The following MIPEP variants were observed in gnomAD, a reference collection of about 807,000 sequenced individuals.
MIPEP encodes the protein mitochondrial intermediate peptidase.
A neutral mutation model predicts 90.3 loss-of-function variants in MIPEP; 79 were observed. The observed-to-expected ratio is 0.87, with a 90% CI of 0.73 to 1.05. The LOEUF is 1.05. Ranked by LOEUF, MIPEP falls within the 50% of genes least tolerant of loss-of-function variation. The pLI is 0.00. For missense variants in MIPEP, 940 were observed against 905.6 expected (o/e 1.04, Z -0.49); for synonymous variants, 334 against 315.8 (o/e 1.06, Z -0.61).
chr13:23,875,522 T>C (rs1254598692), intron 4 of MIPEP, among the ~76,000 whole-genome samples: 1 of 149,924 alleles, frequency 6.7e-6, no homozygotes, highest in South Asian at 2.1e-4. Flanking sequence ...CAATTTCAAG[T>C]GTAACACCTT....
chr13:23,814,747 C>A (rs1953214836), intron 14 of MIPEP, among the ~76,000 whole-genome samples: 1 of 152,204 alleles, frequency 6.6e-6, no homozygotes, highest in South Asian at 2.1e-4. Context: ...GGCTGCTTCA[C>A]AATATCCAAT....
At chr13:23,865,672 AT>A (rs1555241389) in intron 7 of MIPEP, among the ~76,000 whole-genome samples, 21 of 68,916 alleles carry the variant, frequency 3.0e-4, no homozygotes, top group African/African-American at 3.6e-4. Context: ...GCCTCAATTA[AT>A]TTTTTTTTTT....
chr13:23,814,490 T>C (rs1204462617), intron 14 of MIPEP, among the ~76,000 whole-genome samples: 5 of 152,000 alleles, frequency 3.3e-5, no homozygotes, highest in Non-Finnish European at 7.4e-5. Flanking sequence ...CTCGATCTCC[T>C]GACCTTGTGA....
intron 17 of MIPEP, chr13:23,756,980 G>T: frequency 3.6e-6 from 1 of 277,492 alleles, no homozygotes; most frequent in Non-Finnish European, 6.8e-6. Flanking sequence ...ACAGACGAGG[G>T]TTGATGGGGG....
intron 1 of MIPEP, 107 bp from the exon 2 acceptor site, chr13:23,886,613 G>A: frequency 1.1e-6 from 1 of 873,340 alleles, no homozygotes; most frequent in Non-Finnish European, 1.7e-6. Context: ...ACTTTCATTG[G>A]TGTATCATGT....
intron 16 of MIPEP, among the ~76,000 whole-genome samples, chr13:23,785,723 C>T (rs1183424727): frequency 1.3e-5 from 2 of 151,266 alleles, no homozygotes; most frequent in African/African-American, 4.9e-5. Flanking sequence ...AGTATGCTAG[C>T]AATAGGCAGG....
chr13:23,760,629 GCTGACAC>G, intron 16 of MIPEP: 1 of 512,750 alleles, frequency 2.0e-6, no homozygotes, highest in South Asian at 1.5e-5. Flanking sequence ...AGCCAGATCT[GCTGACAC>G]CTTGGTCTGG....
At chr13:23,736,869 T>C (rs2138482283) in intron 18 of MIPEP, among the ~76,000 whole-genome samples, 1 of 152,238 alleles carries the variant, frequency 6.6e-6, no homozygotes, top group African/African-American at 2.4e-5. Flanking sequence ...TCTTCACAAG[T>C]AAGAAAACAG....
intron 16 of MIPEP, among the ~76,000 whole-genome samples, chr13:23,767,452 T>TA (rs1364923885): frequency 3.2e-5 from 4 of 124,022 alleles, no homozygotes; most frequent in Admixed American, 3.0e-4. Context: ...AGTATCTTTG[T>TA]AAATTTTTTT....
chr13:23,882,138 C>G (rs919265863), intron 2 of MIPEP, among the ~76,000 whole-genome samples: 2 of 149,478 alleles, frequency 1.3e-5, no homozygotes, highest in African/African-American at 4.9e-5. Flanking sequence ...GGCGCAATCT[C>G]AGGTCACTGC....
intron 18 of MIPEP, 87 bp downstream of exon 18, chr13:23,756,458 A>T: frequency 7.0e-7 from 1 of 1,433,918 alleles, no homozygotes; most frequent in East Asian, 2.3e-5. Context: ...CACCTGGCCT[A>T]AAACATTTTC....
chr13:23,821,462 T>C (rs1424410410), intron 14 of MIPEP, among the ~76,000 whole-genome samples: 1 of 152,122 alleles, frequency 6.6e-6, no homozygotes, highest in Non-Finnish European at 1.5e-5. Flanking sequence ...CTCCTGTGCT[T>C]ACGAAATGGG....
intron 14 of MIPEP, among the ~76,000 whole-genome samples, chr13:23,827,968 CCAGCTCTG>C (rs1443898632): frequency 6.6e-6 from 1 of 152,066 alleles, no homozygotes; most frequent in East Asian, 1.9e-4. Context: ...CAAACTAAAG[CCAGCTCTG>C]CATTAAAAAA....
At position 23,838,144 on chromosome 13, in the gene MIPEP, AT is replaced by A. The variant is rs898826584; in HGVS notation, c.1339-389del. 5.3e-5 allele frequency among the ~76,000 whole-genome samples: 8 copies of A among 150,742 alleles called. No homozygotes were observed. In the South Asian group the frequency reaches 6.3e-4, roughly 12 times the overall value. ...TAGGTACTTTCCATGTCTCTTGGCT[AT>A]TTTTTTTTCTTTTTTTAAGATAGGG... On this transcript the variant is annotated intron_variant, in intron 12 of 18. Coordinates refer to ENST00000382172, the MANE Select transcript of MIPEP (RefSeq NM_005932.4).
rs2312300 is a variant in MIPEP, at chr13:23,881,159, T to C, written c.452+540A>G. ...ATGCTCCAGCCCTCCCACAGACTTT[T>C]ACAGCCTCCCTAGACTCCCCTAATT... On this transcript the variant is annotated intron_variant, in intron 3 of 18. Transcript: ENST00000382172. 1.1e-3 allele frequency among the ~76,000 whole-genome samples: 173 copies of C among 152,342 alleles called. 1 individual carries two copies. Among genetic ancestry groups the C allele is most frequent in the Middle Eastern group, 6.8e-3 (2 of 294 alleles).
chr13:23,814,263 AT>A (rs972071584), intron 14 of MIPEP, among the ~76,000 whole-genome samples: 7 of 149,074 alleles, frequency 4.7e-5, no homozygotes, highest in African/African-American at 1.2e-4. Flanking sequence ...TTAAAAACAA[AT>A]TTTTTTTTTT....
chr13:23,828,291 AC>A (rs1432984223), intron 14 of MIPEP, among the ~76,000 whole-genome samples: 1 of 152,246 alleles, frequency 6.6e-6, no homozygotes, highest in East Asian at 1.9e-4. Context: ...GAATGCCCAT[AC>A]CACGGCTTTT....
rs187651789 is a variant in MIPEP at position 23,880,498 on chromosome 13, C to T, written c.453-1144G>A. ...CATACTTCAGTCTGTATTTGTCCTC[C>T]GACAAAATGAAGAGTGCTTGTCCAT... On this transcript the variant is annotated intron_variant, in intron 3 of 18. Transcript: ENST00000382172. Among the ~76,000 whole-genome samples, 46 of 152,354 alleles carry T rather than the reference C, an allele frequency of 3.0e-4. No homozygotes were observed. The East Asian group carries it at 5.2e-3, about 17-fold the overall frequency.
chr13:23,822,686 T>C (rs1953321551), intron 14 of MIPEP, among the ~76,000 whole-genome samples: 1 of 152,196 alleles, frequency 6.6e-6, no homozygotes, highest in Non-Finnish European at 1.5e-5. Context: ...TTCTATTGTT[T>C]GTTAATGCCA....
Sources: gnomAD v4.1 joint callset for allele counts (sites outside exome capture counted in the v4.1 genomes callset) on GRCh38, gnomAD v4.1.1 for gene constraint, MANE v1.5 for transcripts, NCBI Gene and HGNC (gene_info 2026-07-23, HGNC 2026-07-21) for gene names.